UBA6: variants seen among roughly 807,000 people sequenced by gnomAD.
UBA6 encodes ubiquitin-like modifier-activating enzyme 6.
UBA6 carries 87 observed loss-of-function variants against 148.3 expected under a neutral mutation model. The observed-to-expected ratio is 0.59, with a 90% CI of 0.49 to 0.70. UBA6 has a LOEUF of 0.70. Ranked by LOEUF, UBA6 falls within the 30% of genes least tolerant of loss-of-function variation. The pLI, the probability that UBA6 is intolerant of heterozygous loss-of-function variation, is 0.00. For synonymous variants in UBA6, 376 were observed against 401.0 expected (o/e 0.94, Z 0.75); for missense variants, 1,186 against 1,241.2 (o/e 0.96, Z 0.67).
intron 27 of UBA6, 138 bp from the exon 28 acceptor site, chr4:67,626,615 A>G (rs907713791): frequency 3.3e-6 from 2 of 602,718 alleles, no homozygotes; most frequent in Non-Finnish European, 5.7e-6. Flanking sequence ...CATTGGTCCA[A>G]TGTATTTTAT....
At chr4:67,630,787 T>A (rs1403632515) in intron 25 of UBA6, among the ~76,000 whole-genome samples, 2 of 152,162 alleles carry the variant, frequency 1.3e-5, no homozygotes, top group African/African-American at 4.8e-5. Context: ...CATGACTACC[T>A]TGGGAAGAGG....
At chr4:67,620,139 C>CA (rs1053092553) in intron 32 of UBA6, among the ~76,000 whole-genome samples, 14 of 150,078 alleles carry the variant, frequency 9.3e-5, no homozygotes, top group Admixed American at 2.7e-4. Flanking sequence ...TGAGTCATTC[C>CA]AAAAAAAAAG....
At chr4:67,681,663 G>T (rs1309958957) in intron 3 of UBA6, 72 bp from the exon 4 acceptor site, 1 of 1,019,520 alleles carries the variant, frequency 9.8e-7, no homozygotes, top group South Asian at 1.6e-5. Context: ...ACAGAGCTTA[G>T]TCACATATCT....
At chr4:67,654,615 G>T (rs1461888634) in intron 13 of UBA6, among the ~76,000 whole-genome samples, 1 of 152,108 alleles carries the variant, frequency 6.6e-6, no homozygotes, top group African/African-American at 2.4e-5. Context: ...ATGCTATGAA[G>T]AAATTGCATC....
chr4:67,619,872 C>A (rs10866199), intron 32 of UBA6, among the ~76,000 whole-genome samples: 57,583 of 151,924 alleles, frequency 0.38, 11,030 homozygotes, highest in Middle Eastern at 0.47. Context: ...CCCCTTACAT[C>A]ATTGTATTGG....
At chr4:67,646,050 TAAA>T in intron 15 of UBA6, 34 bp from the exon 16 acceptor site, 1 of 1,225,568 alleles carries the variant, frequency 8.2e-7, no homozygotes, top group South Asian at 1.5e-5. Flanking sequence ...AAAGCAGAAA[TAAA>T]AAACATTAAA....
chr4:67,632,028 C>T, intron 23 of UBA6, 120 bp from the exon 24 acceptor site: 1 of 912,640 alleles, frequency 1.1e-6, no homozygotes, highest in Non-Finnish European at 1.6e-6. Context: ...AATCAAAACA[C>T]ATTAAAAGAG....
At position 67,616,159 on chromosome 4, in the gene UBA6, A is replaced by ATT. The variant is rs572171511; in HGVS notation, c.*2836_*2837dup. ...TCTGATCCTCAAGAGCTCAACTCTG[A>ATT]TTTTTTTTTTTTCAGAGAAAGCATT... On this transcript the variant is annotated 3_prime_UTR_variant, in exon 33 of 33. Coordinates refer to ENST00000322244, the MANE Select transcript of UBA6 (RefSeq NM_018227.6). 5.6e-5 allele frequency: 18 copies of ATT among 320,332 alleles called. No homozygotes were observed. The highest frequency in any genetic ancestry group is 2.9e-4 in the South Asian group (2 of 6,830). 19.8% of individuals were successfully genotyped at this position (320,332 alleles called of 1,614,324 possible).
At chr4:67,637,045 C>A (rs1282311041) in intron 19 of UBA6, among the ~76,000 whole-genome samples, 3 of 151,790 alleles carry the variant, frequency 2.0e-5, no homozygotes, top group Non-Finnish European at 4.4e-5. Flanking sequence ...CCGGCCGCGA[C>A]CCTGTCTGGG....
At chr4:67,694,649 G>A (rs1448880851) in intron 2 of UBA6, among the ~76,000 whole-genome samples, 2 of 151,912 alleles carry the variant, frequency 1.3e-5, no homozygotes, top group Admixed American at 1.3e-4. Context: ...CACCCGCCTC[G>A]GCCTCCCAAA....
Position 67,624,979 on chromosome 4 carries a change from G to A in UBA6, c.2712+15C>T, listed in dbSNP as rs1328938482. ...TGAAAAAGGAGCATTTTTATTCAAG[G>A]AATAATAAACTTACCAAGCCAGAAA... is the stretch of plus-strand genomic sequence containing the variant. On this transcript the variant is annotated intron_variant, in intron 29 of 32. Transcript: ENST00000322244. 6.4e-7 allele frequency: 1 copy of A among 1,558,422 alleles called. No individual in the cohort carries two copies. Among genetic ancestry groups the A allele is most frequent in the African/African-American group, 1.3e-5 (1 of 74,144 alleles).
In UBA6 at chr4:67,616,240, G is replaced by T; in HGVS notation, c.*2757C>A. 1 of 391,652 alleles carries T rather than the reference G, an allele frequency of 2.6e-6. No homozygotes were observed. Among genetic ancestry groups the T allele is most frequent in the South Asian group, 1.3e-4 (1 of 7,678 alleles). 24.3% of individuals were successfully genotyped at this position (391,652 alleles called of 1,614,324 possible). On this transcript the variant is annotated 3_prime_UTR_variant, in exon 33 of 33. Transcript: ENST00000322244. Reference sequence around the variant, plus strand: ...TAAAATCGCTAAATCCATACACAGTGATTATATAAAATTAGATATTTGCAA... The same window carrying T: ...TAAAATCGCTAAATCCATACACAGTTATTATATAAAATTAGATATTTGCAA...
At chr4:67,636,036 T>C (rs1729130565) in intron 19 of UBA6, among the ~76,000 whole-genome samples, 1 of 151,998 alleles carries the variant, frequency 6.6e-6, no homozygotes, top group Non-Finnish European at 1.5e-5. Context: ...ACTGATAAAT[T>C]CTCCCCTGTT....
rs1729491358 is a variant in UBA6, at chr4:67,649,094, C to A, written c.1222G>T (p.Gly408Ter). 1.2e-6 allele frequency: 2 copies of A among 1,613,500 alleles called. No homozygotes were observed. The highest frequency in any genetic ancestry group is 1.7e-6 in the Non-Finnish European group (2 of 1,179,804). Residue 408 changes from glycine to a stop codon, truncating the protein, a stop_gained, in exon 14 of 33, where the codon GGA becomes TGA. Transcript: ENST00000322244. LOFTEE classifies it high-confidence loss of function. Reference protein sequence around the residue: ...ASQEVLKAVTGKFSPLCQWLY... With the variant: ...ASQEVLKAVT ...CACTGGCACAAAGGAGAAAATTTTC[C>A]TGTTACAGCTTTCAATACTTCTTGG...
At chr4:67,686,634 G>T (rs890869539) in intron 2 of UBA6, among the ~76,000 whole-genome samples, 1 of 152,050 alleles carries the variant, frequency 6.6e-6, no homozygotes, top group Non-Finnish European at 1.5e-5. Flanking sequence ...GAGAAGAAAA[G>T]AATTATAAAC....
chr4:67,635,586 C>A lies in UBA6; in HGVS notation c.1737-28G>T, dbSNP rs1208113126. Reference sequence around the variant, plus strand: ...ATTTGAAAAGACAGCAAGTAAAAAACAAAAAAGTGAGCAATAACAATGTAA... The same window carrying A: ...ATTTGAAAAGACAGCAAGTAAAAAAAAAAAAAGTGAGCAATAACAATGTAA... On this transcript the variant is annotated intron_variant, in intron 19 of 32. Coordinates refer to ENST00000322244, the MANE Select transcript of UBA6 (RefSeq NM_018227.6). The A allele has an allele frequency of 7.1e-6, 10 of 1,414,852 alleles. No homozygotes were observed. In the Admixed American group the frequency reaches 8.6e-5, roughly 12 times the overall value. The allele number at this position is 1,414,852 out of a possible 1,614,324, so 87.6% of individuals were successfully genotyped here.
At chr4:67,698,469 C>G (rs1241843930) in intron 1 of UBA6, among the ~76,000 whole-genome samples, 1 of 152,218 alleles carries the variant, frequency 6.6e-6, no homozygotes, top group African/African-American at 2.4e-5. Context: ...CTTGTCCAAA[C>G]AGTGGGCAAG....
intron 6 of UBA6, among the ~76,000 whole-genome samples, chr4:67,675,502 G>A (rs573855283): frequency 1.4e-4 from 22 of 152,116 alleles, no homozygotes; most frequent in African/African-American, 2.4e-4. Flanking sequence ...AGGCCAATGC[G>A]GGAGGATCAC....
intron 17 of UBA6, among the ~76,000 whole-genome samples, chr4:67,643,607 A>G (rs1358824646): frequency 6.6e-6 from 1 of 152,030 alleles, no homozygotes; most frequent in Admixed American, 6.6e-5. Context: ...AAACACTTGT[A>G]AGTACCCATG....
Sources: allele counts gnomAD v4.1 joint callset (sites outside exome capture counted in the v4.1 genomes callset), GRCh38; gene constraint gnomAD v4.1.1; transcripts MANE v1.5; gene names NCBI Gene and HGNC (gene_info 2026-07-23, HGNC 2026-07-21).